TENM3: variants seen among roughly 807,000 people sequenced by gnomAD.
TENM3 encodes teneurin-3.
TENM3 carries 63 observed loss-of-function variants against 255.1 expected under a neutral mutation model. The ratio of observed to expected loss-of-function variants is 0.25; its 90% confidence interval spans 0.20 to 0.30. TENM3 has a LOEUF of 0.30. Among genes scored for constraint, TENM3 ranks in the 10% least tolerant of loss-of-function variants. The probability of loss-of-function intolerance (pLI) is 1.00; values close to 1 mark genes in which losing one functional copy is unlikely to be tolerated. For missense variants in TENM3, 2,929 were observed against 3,461.1 expected (o/e 0.85, Z 3.86); for synonymous variants, 1,306 against 1,322.3 (o/e 0.99, Z 0.27).
chr4:181,815,667 A>G, the TENM3 span, among the ~76,000 whole-genome samples: 1 of 152,142 alleles, frequency 6.6e-6, no homozygotes, highest in Non-Finnish European at 1.5e-5. Flanking sequence ...CACTGATCAC[A>G]CAGCTGGGAG....
chr4:182,522,091 T>A lies in TENM3; in HGVS notation c.512-78833T>A, dbSNP rs867450963. Among the ~76,000 whole-genome samples the A allele has an allele frequency of 4.6e-5, 7 of 152,350 alleles. No homozygotes were observed. In the Middle Eastern group the frequency reaches 0.01, roughly 222 times the overall value. ...AGCTGTACGTGTTTTTAAGTACATG[T>A]GATATTTTGATGCATGTGTACAATG... On this transcript the variant is annotated intron_variant, in intron 3 of 27. Coordinates refer to ENST00000511685, the MANE Select transcript of TENM3 (RefSeq NM_001080477.4).
At chr4:181,514,332 A>AT in the TENM3 span, among the ~76,000 whole-genome samples, 1 of 152,198 alleles carries the variant, frequency 6.6e-6, no homozygotes, top group Non-Finnish European at 1.5e-5. Flanking sequence ...TGCCTACCTC[A>AT]TTAACATCAT....
chr4:182,775,236 T>C (rs1764588410), intron 24 of TENM3, 83 bp downstream of exon 24: 2 of 1,212,336 alleles, frequency 1.6e-6, no homozygotes, highest in Admixed American at 1.8e-5. Flanking sequence ...CGTCTCCTGC[T>C]CACCCCCCTA....
At chr4:181,832,675 T>G in the TENM3 span, among the ~76,000 whole-genome samples, 3 of 152,226 alleles carry the variant, frequency 2.0e-5, no homozygotes, top group Non-Finnish European at 4.4e-5. Context: ...CTTTCCAAGA[T>G]TCTCCTAGGA....
the TENM3 span, among the ~76,000 whole-genome samples, chr4:181,541,732 A>G: frequency 6.6e-6 from 1 of 152,230 alleles, no homozygotes; most frequent in South Asian, 2.1e-4. Context: ...ATGTCTCATC[A>G]GAACACAGCT....
chr4:181,851,088 C>A, the TENM3 span, among the ~76,000 whole-genome samples: 2 of 152,198 alleles, frequency 1.3e-5, no homozygotes, highest in African/African-American at 4.8e-5. Flanking sequence ...AGAGATACCT[C>A]TTTTATAGAA....
chr4:182,590,197 TAGG>T (rs1746460916), intron 3 of TENM3, among the ~76,000 whole-genome samples: 2 of 152,214 alleles, frequency 1.3e-5, no homozygotes, highest in African/African-American at 4.8e-5. Flanking sequence ...TAAGACAACA[TAGG>T]AGATTTCTTA....
At chr4:181,567,352 C>T in the TENM3 span, among the ~76,000 whole-genome samples, 1 of 152,140 alleles carries the variant, frequency 6.6e-6, no homozygotes, top group Non-Finnish European at 1.5e-5. Context: ...GTTCGTGTCT[C>T]TTGCAAATGT....
the TENM3 span, among the ~76,000 whole-genome samples, chr4:181,536,069 G>A: frequency 1.1e-4 from 16 of 152,068 alleles, no homozygotes; most frequent in African/African-American, 2.9e-4. Context: ...TTTATGAAAC[G>A]TAAAAGCCAA....
chr4:182,564,305 TA>T (rs35242466), intron 3 of TENM3, among the ~76,000 whole-genome samples: 46,809 of 144,058 alleles, frequency 0.32, 8,565 homozygotes, highest in East Asian at 0.48. Context: ...AACCTTTCTT[TA>T]AAAAAAAAAA....
At chr4:182,332,968 T>G (rs11946655) in intron 2 of TENM3, among the ~76,000 whole-genome samples, 25,888 of 152,168 alleles carry the variant, frequency 0.17, 2,798 homozygotes, top group Non-Finnish European at 0.24. Flanking sequence ...TAGAGGAATT[T>G]ATTTTTTCTC....
the TENM3 span, among the ~76,000 whole-genome samples, chr4:181,715,840 T>C: frequency 2.0e-5 from 3 of 152,200 alleles, no homozygotes; most frequent in African/African-American, 7.2e-5. Flanking sequence ...TAGATATTGG[T>C]GATATGATGC....
intron 1 of TENM3, among the ~76,000 whole-genome samples, chr4:182,186,166 A>G (rs147193666): frequency 1.2e-4 from 18 of 152,320 alleles, no homozygotes; most frequent in African/African-American, 4.1e-4. Context: ...TCAGGTTCCT[A>G]TGTGTGTGCA....
chr4:181,700,897 A>G, the TENM3 span, among the ~76,000 whole-genome samples: 1 of 152,186 alleles, frequency 6.6e-6, no homozygotes, highest in Non-Finnish European at 1.5e-5. Flanking sequence ...ATGAACTTCG[A>G]TTTCAATTTT....
rs76464149 is a variant in TENM3 at position 182,675,233 on chromosome 4, A to C, written c.1326+2014A>C. 3.6e-3 allele frequency among the ~76,000 whole-genome samples: 552 copies of C among 152,228 alleles called. 4 individuals are homozygous for C. The highest frequency in any genetic ancestry group is 0.013 in the African/African-American group (526 of 41,544). ...CCAGTTCATCTTATAGGTGACACTG[A>C]CTAGGATATAATAACCAGATTTTCT... On this transcript the variant is annotated intron_variant, in intron 7 of 27. Transcript: ENST00000511685.
At chr4:181,495,304 A>G in the TENM3 span, among the ~76,000 whole-genome samples, 1 of 152,112 alleles carries the variant, frequency 6.6e-6, no homozygotes, top group African/African-American at 2.4e-5. Context: ...GGAAATCAGC[A>G]CCTCAGGCAT....
chr4:181,577,474 T>C, the TENM3 span, among the ~76,000 whole-genome samples: 6,737 of 152,152 alleles, frequency 0.044, 186 homozygotes, highest in Non-Finnish European at 0.069. Flanking sequence ...TCTCTCACTG[T>C]AAATACTCAA....
At chr4:181,455,372 C>T in the TENM3 span, among the ~76,000 whole-genome samples, 3 of 152,090 alleles carry the variant, frequency 2.0e-5, no homozygotes, top group African/African-American at 7.2e-5. Flanking sequence ...AACATCCCCA[C>T]ATGATGCCAT....
intron 3 of TENM3, among the ~76,000 whole-genome samples, chr4:182,514,778 G>T (rs1337120256): frequency 1.3e-5 from 2 of 152,060 alleles, no homozygotes; most frequent in Admixed American, 1.3e-4. Flanking sequence ...GAGAGATTTA[G>T]AAGTCATAAA....
Sources: gnomAD v4.1 joint callset for allele counts (sites outside exome capture counted in the v4.1 genomes callset) on GRCh38, gnomAD v4.1.1 for gene constraint, MANE v1.5 for transcripts, NCBI Gene and HGNC (gene_info 2026-07-23, HGNC 2026-07-21) for gene names.